Variants in ETFA observed in about 807,000 individuals in gnomAD.
ETFA encodes the protein electron transfer flavoprotein subunit alpha.
In ETFA, 22 loss-of-function variants were observed where a neutral mutation model predicts 46.2. The ratio of observed to expected loss-of-function variants is 0.48; its 90% confidence interval spans 0.34 to 0.68. ETFA has a LOEUF of 0.68. ETFA is among the 30% of genes least tolerant of loss of function. The pLI is 0.01. For synonymous variants in ETFA, 131 were observed against 139.9 expected (o/e 0.94, Z 0.45); for missense variants, 345 against 401.1 (o/e 0.86, Z 1.19).
intron 9 of ETFA, among the ~76,000 whole-genome samples, chr15:76,266,232 C>CT (rs949980551): frequency 3.5e-4 from 53 of 152,058 alleles, no homozygotes; most frequent in East Asian, 1.2e-3. Flanking sequence ...TAAAGGATTG[C>CT]TTTTTTTACC....
intron 9 of ETFA, among the ~76,000 whole-genome samples, chr15:76,273,263 A>G (rs550868533): frequency 6.6e-6 from 1 of 152,316 alleles, no homozygotes; most frequent in East Asian, 1.9e-4. Flanking sequence ...AAATACTTCG[A>G]AACAAACTTC....
At chr15:76,249,435 A>ATCT (rs35513183) in intron 9 of ETFA, among the ~76,000 whole-genome samples, 2,296 of 74,780 alleles carry the variant, frequency 0.031, 388 homozygotes, top group African/African-American at 0.095. Flanking sequence ...GTCCATGGTA[A>ATCT]TTTTTTTTTT....
At chr15:76,227,072 G>T (rs529217233) in intron 10 of ETFA, among the ~76,000 whole-genome samples, 1 of 152,016 alleles carries the variant, frequency 6.6e-6, no homozygotes, top group Admixed American at 6.6e-5. Context: ...TATAAAAGCT[G>T]TCAAACATTT....
chr15:76,260,675 T>C (rs184974767), intron 9 of ETFA: 67 of 1,594,090 alleles, frequency 4.2e-5, no homozygotes, highest in Non-Finnish European at 5.6e-5. Flanking sequence ...CGGGGATCAC[T>C]TCTTCCCACT....
intron 10 of ETFA, among the ~76,000 whole-genome samples, chr15:76,226,938 G>T (rs1451460125): frequency 1.3e-5 from 2 of 152,134 alleles, no homozygotes; most frequent in East Asian, 3.8e-4. Context: ...ATTATTCTGG[G>T]ATATTCTAAC....
chr15:76,227,861 G>T (rs775130428), intron 10 of ETFA: 1 of 456,070 alleles, frequency 2.2e-6, no homozygotes, highest in Non-Finnish European at 4.4e-6. Context: ...GAAGATGCCA[G>T]AATGTCTAAG....
intron 1 of ETFA, 25 bp downstream of exon 1, chr15:76,311,325 G>A: frequency 6.4e-7 from 1 of 1,552,898 alleles, no homozygotes. Context: ...CCGTCCCTGG[G>A]TTCGCCTTCC....
intron 9 of ETFA, 116 bp from the exon 10 acceptor site, chr15:76,231,514 C>A: frequency 1.6e-6 from 1 of 636,684 alleles, no homozygotes; most frequent in Non-Finnish European, 2.7e-6. Flanking sequence ...AAAATAGAGG[C>A]AAAATGTATT....
At chr15:76,223,475 G>A (rs570902609) in intron 11 of ETFA, among the ~76,000 whole-genome samples, 2 of 152,202 alleles carry the variant, frequency 1.3e-5, no homozygotes, top group Non-Finnish European at 2.9e-5. Flanking sequence ...CACCCGCCTC[G>A]GCCTCCCAAA....
intron 9 of ETFA, among the ~76,000 whole-genome samples, chr15:76,273,650 G>A (rs1466902751): frequency 6.6e-6 from 1 of 151,740 alleles, no homozygotes; most frequent in Non-Finnish European, 1.5e-5. Context: ...AACTGTGAAT[G>A]AATATCTCAT....
At chr15:76,271,968 G>T (rs1033255095) in intron 9 of ETFA, among the ~76,000 whole-genome samples, 1 of 151,154 alleles carries the variant, frequency 6.6e-6, no homozygotes, top group African/African-American at 2.4e-5. Context: ...AAATTCTCTC[G>T]GAGGCTGTAT....
intron 5 of ETFA, 171 bp downstream of exon 5, chr15:76,287,675 T>C: frequency 5.3e-6 from 3 of 570,314 alleles, no homozygotes; most frequent in East Asian, 6.3e-5. Context: ...TCAGAGAGAA[T>C]GCCATGTCAA....
intron 8 of ETFA, among the ~76,000 whole-genome samples, chr15:76,276,681 G>T (rs1336642180): frequency 6.6e-6 from 1 of 151,880 alleles, no homozygotes; most frequent in African/African-American, 2.4e-5. Flanking sequence ...CAGTTTTGGA[G>T]GTTTCTACTG....
rs1567218476 is a variant in ETFA, at chr15:76,292,682, TAC to T, written c.203_204del (p.Cys68Ter). ...TKCDKVAQDL[C>X]KVAGIAKVLV... is the part of the protein sequence containing the mutation. The stretch of plus-strand genomic sequence containing the variant: ...AGAACTTTTGCTATGCCTGCTACTT[TAC>T]AGAGATCTTGTGCCACCTATGATTA... On this transcript the variant is annotated frameshift_variant, in exon 3 of 12. Coordinates refer to ENST00000557943, the MANE Select transcript of ETFA (RefSeq NM_000126.4). LOFTEE classifies it high-confidence loss of function. 1.9e-6 allele frequency: 3 copies of T among 1,612,572 alleles called. No individual in the cohort carries two copies. Among genetic ancestry groups the T allele is most frequent in the Middle Eastern group, 1.7e-4 (1 of 6,060 alleles).
At chr15:76,296,777 G>C (rs2039828368) in intron 1 of ETFA, among the ~76,000 whole-genome samples, 1 of 152,128 alleles carries the variant, frequency 6.6e-6, no homozygotes, top group South Asian at 2.1e-4. Flanking sequence ...GGAACACAAA[G>C]ATGAACAAGA....
chr15:76,247,697 G>A (rs2039256866), intron 9 of ETFA, among the ~76,000 whole-genome samples: 1 of 152,066 alleles, frequency 6.6e-6, no homozygotes, highest in African/African-American at 2.4e-5. Context: ...ATTATGGTAC[G>A]TGTTTGGAGC....
At chr15:76,285,488 C>A (rs2039696553) in intron 7 of ETFA, 149 bp downstream of exon 7, 1 of 610,360 alleles carries the variant, frequency 1.6e-6, no homozygotes, top group South Asian at 1.9e-5. Context: ...ATTTCATTTT[C>A]CTAATTGGTT....
At chr15:76,260,022 A>C (rs914646616) in intron 9 of ETFA, 67 of 1,480,784 alleles carry the variant, frequency 4.5e-5, no homozygotes, top group Admixed American at 8.4e-5. Flanking sequence ...GGAACTCTTC[A>C]ATGTCACTTG....
chr15:76,277,492 CAAAAACAAAAACAAAAAAA>C (rs2039605115), intron 8 of ETFA, among the ~76,000 whole-genome samples: 1 of 7,412 alleles, frequency 1.3e-4, no homozygotes, highest in African/African-American at 1.8e-4. Context: ...AGTTTTTTGT[CAAAAACAAAAACAAAAAAA>C]AAAAACAAAA....
Sources: allele counts gnomAD v4.1 joint callset (sites outside exome capture counted in the v4.1 genomes callset), GRCh38; gene constraint gnomAD v4.1.1; transcripts MANE v1.5; gene names NCBI Gene and HGNC (gene_info 2026-07-23, HGNC 2026-07-21).